The following SYCP2L variants were observed in gnomAD, a reference collection of about 807,000 sequenced individuals.
SYCP2L encodes the protein synaptonemal complex protein 2-like.
A neutral mutation model predicts 125.8 loss-of-function variants in SYCP2L; 98 were observed. The ratio of observed to expected loss-of-function variants is 0.78; its 90% CI spans 0.66 to 0.92. The LOEUF (loss-of-function observed/expected upper bound fraction) is 0.92. SYCP2L is among the 40% of genes least tolerant of loss of function. The pLI is 0.00. For missense variants in SYCP2L, 842 were observed against 936.4 expected (o/e 0.90, Z 1.32); for synonymous variants, 317 against 325.4 (o/e 0.97, Z 0.28).
intron 23 of SYCP2L, among the ~76,000 whole-genome samples, chr6:10,946,746 A>G (rs1372023772): frequency 2.6e-5 from 4 of 151,594 alleles, no homozygotes; most frequent in Admixed American, 6.6e-5. Context: ...TCCCTCCTCA[A>G]TATATATATG....
intron 8 of SYCP2L, among the ~76,000 whole-genome samples, chr6:10,904,713 C>T (rs994883619): frequency 4.6e-5 from 7 of 152,132 alleles, no homozygotes; most frequent in Admixed American, 1.3e-4. Context: ...GAATTAATTT[C>T]GCTCAGTGGT....
chr6:10,970,666 C>T (rs888595309), intron 29 of SYCP2L, among the ~76,000 whole-genome samples: 2 of 152,076 alleles, frequency 1.3e-5, no homozygotes, highest in Non-Finnish European at 2.9e-5. Flanking sequence ...AGTTGATTGG[C>T]CGGGGAAGGA....
chr6:10,915,794 G>A (rs1780683426), intron 14 of SYCP2L, among the ~76,000 whole-genome samples: 1 of 152,080 alleles, frequency 6.6e-6, no homozygotes, highest in Admixed American at 6.6e-5. Flanking sequence ...TTTTGGTAAT[G>A]TCCCTTCCTG....
At chr6:10,953,723 C>T (rs923195278) in intron 23 of SYCP2L, among the ~76,000 whole-genome samples, 1 of 152,190 alleles carries the variant, frequency 6.6e-6, no homozygotes, top group East Asian at 1.9e-4. Context: ...AAAAAAAATG[C>T]CTGCCCTCAC....
At chr6:10,946,197 A>C (rs61573239) in intron 23 of SYCP2L, among the ~76,000 whole-genome samples, 4,134 of 152,024 alleles carry the variant, frequency 0.027, 153 homozygotes, top group East Asian at 0.2. Flanking sequence ...TTCATTTTGC[A>C]TAAGTATTTT....
At chr6:10,972,003 A>G (rs972029839) in intron 29 of SYCP2L, among the ~76,000 whole-genome samples, 1 of 152,214 alleles carries the variant, frequency 6.6e-6, no homozygotes, top group African/African-American at 2.4e-5. Context: ...TGATTAATTG[A>G]TATACTAAAT....
chr6:10,938,499 G>A (rs59175745), intron 21 of SYCP2L, among the ~76,000 whole-genome samples: 27,607 of 152,084 alleles, frequency 0.18, 2,659 homozygotes, highest in Non-Finnish European at 0.22. Context: ...TCAGGAATAC[G>A]ACAAAGGTGT....
At position 10,901,108 on chromosome 6, in the gene SYCP2L, ACTTT is replaced by A. The variant is rs536863406; in HGVS notation, c.467-1563_467-1560del. On this transcript the variant is annotated intron_variant, in intron 6 of 29. Transcript: ENST00000283141. Reference sequence around the variant, plus strand: ...TTTGTGTTCTGCTATATGGATTATGACTTTCTTTCAATCACAGTTTATCCCTCTC... The same window carrying A: ...TTTGTGTTCTGCTATATGGATTATGACTTTCAATCACAGTTTATCCCTCTC... Among the ~76,000 whole-genome samples, 27 of 152,256 alleles carry A rather than the reference ACTTT, an allele frequency of 1.8e-4. No individual in the cohort carries two copies. The South Asian group carries it at 5.6e-3, about 32-fold the overall frequency.
At chr6:10,937,755 A>G (rs1781127010) in intron 21 of SYCP2L, among the ~76,000 whole-genome samples, 1 of 152,226 alleles carries the variant, frequency 6.6e-6, no homozygotes, top group African/African-American at 2.4e-5. Flanking sequence ...CCACAGAACT[A>G]CAAAGGATCA....
intron 20 of SYCP2L, among the ~76,000 whole-genome samples, chr6:10,934,259 A>G (rs1176896629): frequency 3.3e-5 from 5 of 152,254 alleles, no homozygotes; most frequent in Admixed American, 2.6e-4. Context: ...GAAAATAGTG[A>G]TGTTGTAGTT....
rs768297339 is a variant in SYCP2L, at chr6:10,902,936, C to CT, written c.617dup (p.Leu206PhefsTer21). On this transcript the variant is annotated frameshift_variant, in exon 8 of 30. Coordinates refer to ENST00000283141, the MANE Select transcript of SYCP2L (RefSeq NM_001040274.3). LOFTEE classifies it high-confidence loss of function. The stretch of plus-strand genomic sequence containing the variant: ...CCTCGAGAAGAGAGAAAAAAATTCC[C>CT]TTTGTCAGAAGGCATGTGTCATCTT... The CT allele has an allele frequency of 6.2e-7, 1 of 1,614,116 alleles. No individual in the cohort carries two copies. The highest frequency in any genetic ancestry group is 1.7e-5 in the Admixed American group (1 of 60,020).
Position 10,942,756 on chromosome 6 carries a change from T to C in SYCP2L, c.1954+10T>C. The C allele has an allele frequency of 3.9e-6, 6 of 1,548,448 alleles. No homozygotes were observed. The South Asian group carries it at 4.8e-5, about 12-fold the overall frequency. ...AACTTGGAAGACAAAGGTAAGAGAA[T>C]AGTACTTTTTTTTTTTTTTTTGCAG... On this transcript the variant is annotated intron_variant, in intron 23 of 29. Coordinates refer to ENST00000283141, the MANE Select transcript of SYCP2L (RefSeq NM_001040274.3).
chr6:10,902,914 C>G lies in SYCP2L; in HGVS notation c.592C>G (p.Arg198Gly). 2 of 1,614,074 alleles carry G rather than the reference C, an allele frequency of 1.2e-6. No homozygotes were observed. Among genetic ancestry groups the G allele is most frequent in the South Asian group, 1.1e-5 (1 of 91,066 alleles). ...TAACTGCATTTTGCACGCTGTCCCT[C>G]GAGAAGAGAGAAAAAAATTCCCTTT... ...TFNCILHAVP[R>G]EERKKFPLSE... Residue 198 changes from arginine (R) to glycine (G), a missense_variant, in exon 8 of 30, where the codon CGA (arginine) becomes GGA (glycine). Transcript: ENST00000283141.
chr6:10,922,468 T>C (rs1321720219), intron 14 of SYCP2L, among the ~76,000 whole-genome samples: 1 of 149,476 alleles, frequency 6.7e-6, no homozygotes, highest in African/African-American at 2.5e-5. Flanking sequence ...CTAGTTACTT[T>C]TTTTTTTTTT....
At chr6:10,940,755 T>C (rs1781203165) in intron 21 of SYCP2L, among the ~76,000 whole-genome samples, 3 of 152,270 alleles carry the variant, frequency 2.0e-5, no homozygotes, top group African/African-American at 7.2e-5. Flanking sequence ...GGATGTAATA[T>C]ACAGCACAGG....
chr6:10,959,801 G>A (rs193044272), intron 26 of SYCP2L, among the ~76,000 whole-genome samples: 5 of 151,736 alleles, frequency 3.3e-5, no homozygotes, highest in African/African-American at 7.2e-5. Context: ...CTCGGGAGGC[G>A]GAGGTTGCGG....
chr6:10,949,301 G>T (rs1280806675), intron 23 of SYCP2L, among the ~76,000 whole-genome samples: 1 of 152,024 alleles, frequency 6.6e-6, no homozygotes, highest in Non-Finnish European at 1.5e-5. Context: ...ATCACATTTT[G>T]ATATTAGTGC....
At chr6:10,943,640 C>T (rs554472520) in intron 23 of SYCP2L, among the ~76,000 whole-genome samples, 72 of 152,302 alleles carry the variant, frequency 4.7e-4, no homozygotes, top group African/African-American at 1.3e-3. Context: ...AGAATCCTTC[C>T]ATACCAGATT....
chr6:10,969,305 C>T (rs1369209847), intron 29 of SYCP2L, among the ~76,000 whole-genome samples: 1 of 150,824 alleles, frequency 6.6e-6, no homozygotes, highest in African/African-American at 2.4e-5. Flanking sequence ...CTTTCATGTC[C>T]AAGACTGTGC....
Sources: allele counts gnomAD v4.1 joint callset (sites outside exome capture counted in the v4.1 genomes callset), GRCh38; gene constraint gnomAD v4.1.1; transcripts MANE v1.5; gene names NCBI Gene and HGNC (gene_info 2026-07-23, HGNC 2026-07-21).